The following PANX3 variants were observed in gnomAD, a reference collection of about 807,000 sequenced individuals.
The protein encoded by PANX3 is pannexin-3.
PANX3 carries 18 observed loss-of-function variants against 31.5 expected under a neutral mutation model. The observed-to-expected ratio is 0.57, with a 90% CI of 0.39 to 0.85. PANX3 has a LOEUF of 0.85. Ranked by LOEUF, PANX3 falls within the 40% of genes least tolerant of loss-of-function variation. The probability of loss-of-function intolerance (pLI) is 0.00; values close to 1 mark genes in which losing one functional copy is unlikely to be tolerated. For missense variants in PANX3, 426 were observed against 485.4 expected, an observed-to-expected ratio of 0.88 and a Z score of 1.15; for synonymous variants, 194 against 201.6, an observed-to-expected ratio of 0.96 and a Z score of 0.32.
rs1863165608 is a variant in PANX3 at position 124,617,379 on chromosome 11, A to G, written c.430A>G (p.Ile144Val). The change falls in exon 3 of 4, where the codon ATC (isoleucine) becomes GTC (valine). Residue 144 changes from isoleucine to valine, a missense_variant. By Grantham distance (29) the Ile-to-Val change is conservative. Transcript: ENST00000284288. The stretch of plus-strand genomic sequence containing the variant: ...CCTCAGCTCCGATCTGCTGTTCATC[A>G]TCAGCGAACTGGACAAATCTTATAA... ...PALSSDLLFI[I>V]SELDKSYNRS... is the part of the protein sequence containing the mutation. 3 of 1,613,994 alleles carry G rather than the reference A, an allele frequency of 1.9e-6. No homozygotes were observed. The East Asian group carries it at 6.7e-5, about 36-fold the overall frequency.
rs140680289 is a variant in PANX3 at position 124,619,649 on chromosome 11, A to G, written c.893A>G (p.Asp298Gly). Residue 298 changes from aspartate to glycine, a missense_variant, in exon 4 of 4, where the codon GAC becomes GGC. Physicochemically the swap from Asp to Gly is moderately conservative, Grantham distance 94. Coordinates refer to ENST00000284288, the MANE Select transcript of PANX3 (RefSeq NM_052959.3). ...IYNLTRLCRW[D>G]KRLLSVYEML... ...AACCTCACACGGCTATGTCGGTGGGACAAACGACTTTTATCTGTCTATGAG... is the reference window on the plus strand; with the variant it reads ...AACCTCACACGGCTATGTCGGTGGGGCAAACGACTTTTATCTGTCTATGAG... 128 of 1,614,194 alleles carry G rather than the reference A, an allele frequency of 7.9e-5. No individual in the cohort carries two copies. The East Asian group carries it at 2.3e-3, about 29-fold the overall frequency.
chr11:124,616,576 A>G lies in PANX3; in HGVS notation c.325-698A>G, dbSNP rs1189571812. Among the ~76,000 whole-genome samples the G allele has an allele frequency of 6.6e-6, 1 of 152,198 alleles. No homozygotes were observed. Among genetic ancestry groups the G allele is most frequent in the Non-Finnish European group, 1.5e-5 (1 of 68,040 alleles). On this transcript the variant is annotated intron_variant, in intron 2 of 3. Coordinates refer to ENST00000284288, the MANE Select transcript of PANX3 (RefSeq NM_052959.3). The surrounding 1 kb of genome is among the most constrained non-coding windows in gnomAD (Gnocchi z 4.8). ...ACAATTCAACCCATATCAGTCCCTT[A>G]TTGCAGATAGCTAATGATGCAGTCA...
At chr11:124,617,554 G>A in intron 3 of PANX3, 66 bp downstream of exon 3, 1 of 1,504,656 alleles carries the variant, frequency 6.6e-7, no homozygotes, top group South Asian at 1.1e-5. Flanking sequence ...ACTTTGCATA[G>A]TCATCTTTAA....
Position 124,616,098 on chromosome 11 carries a change from G to A in PANX3, c.325-1176G>A, listed in dbSNP as rs188592674. Among the ~76,000 whole-genome samples the A allele has an allele frequency of 3.9e-5, 6 of 152,310 alleles. 1 individual carries two copies. The highest frequency in any genetic ancestry group is 3.9e-4 in the Admixed American group (6 of 15,298). On this transcript the variant is annotated intron_variant, in intron 2 of 3. Coordinates refer to ENST00000284288, the MANE Select transcript of PANX3 (RefSeq NM_052959.3). The surrounding 1 kb of genome is among the most constrained non-coding windows in gnomAD (Gnocchi z 4.8). ...AATAGTTGGCCCAACCCTGCTAGGT[G>A]TGGTAAGTATGATGAGGAAACCTGA...
At chr11:124,617,525 G>A in intron 3 of PANX3, 37 bp downstream of exon 3, 1 of 1,594,790 alleles carries the variant, frequency 6.3e-7, no homozygotes, top group Non-Finnish European at 8.6e-7. Flanking sequence ...GAGAAATTCA[G>A]TCAAGCATTA....
At position 124,611,720 on chromosome 11, in the gene PANX3, C is replaced by T. The variant is rs749757572; in HGVS notation, c.164C>T (p.Ala55Val). ...SPLLLMSLAF[A>V]QEFSSGSPIS... ...TTGTTGCTGATGTCCCTGGCATTCG[C>T]CCAGGAGTTCTCCTCTGGTAAGTTG... The change falls in exon 1 of 4, where the codon GCC (alanine) becomes GTC (valine). Residue 55 changes from alanine to valine, a missense_variant. Coordinates refer to ENST00000284288, the MANE Select transcript of PANX3 (RefSeq NM_052959.3). 1 of 1,613,862 alleles carries T rather than the reference C, an allele frequency of 6.2e-7. No homozygotes were observed. The highest frequency in any genetic ancestry group is 1.1e-5 in the South Asian group (1 of 91,028).
In PANX3 at chr11:124,615,079, C is replaced by T. The variant is rs545484721; in HGVS notation, c.324+1957C>T. Among the ~76,000 whole-genome samples the T allele has an allele frequency of 2.6e-5, 4 of 151,956 alleles. No homozygotes were observed. In the South Asian group the frequency reaches 8.4e-4, roughly 32 times the overall value. ...GTTTAATTCAGAAAACACAAACACA[C>T]ACCTTTCTTTTCTTTTCTTTTTGAG... On this transcript the variant is annotated intron_variant, in intron 2 of 3. Coordinates refer to ENST00000284288, the MANE Select transcript of PANX3 (RefSeq NM_052959.3).
chr11:124,618,152 G>C (rs901491858), intron 3 of PANX3, among the ~76,000 whole-genome samples: 1 of 152,164 alleles, frequency 6.6e-6, no homozygotes, highest in South Asian at 2.1e-4. Flanking sequence ...TGGGAAGTGG[G>C]GCAAGAGGAA....
In PANX3 at chr11:124,616,050, A is replaced by G. The variant is rs1346028607; in HGVS notation, c.325-1224A>G. On this transcript the variant is annotated intron_variant, in intron 2 of 3. Transcript: ENST00000284288. This position sits in a 1 kb window ranked among gnomAD's most constrained non-coding sequence, Gnocchi z 4.8. ...AAATAAATAAATAAAAATCTTTACA[A>G]GTAGAGATTTTACTGTAGGCAAAAT... 2.6e-5 allele frequency among the ~76,000 whole-genome samples: 4 copies of G among 152,276 alleles called. No individual in the cohort carries two copies. Among genetic ancestry groups the G allele is most frequent in the African/African-American group, 7.2e-5 (3 of 41,568 alleles).
Position 124,619,807 on chromosome 11 carries a change from G to A in PANX3, c.1051G>A (p.Val351Met), listed in dbSNP as rs746615194. The change falls in exon 4 of 4, where the codon GTG (valine) becomes ATG (methionine). Residue 351 changes from valine to methionine, a missense_variant. Physicochemically the swap from Val to Met is conservative, Grantham distance 21. Coordinates refer to ENST00000284288, the MANE Select transcript of PANX3 (RefSeq NM_052959.3). ...TTTTAGCTGGCTGAGTGTCTTATGT[G>A]TGTTGAAGGATACAACCACCCAGAA... ...ISFSWLSVLC[V>M]LKDTTTQKHN... 2 of 1,613,956 alleles carry A rather than the reference G, an allele frequency of 1.2e-6. No homozygotes were observed. Among genetic ancestry groups the A allele is most frequent in the Non-Finnish European group, 1.7e-6 (2 of 1,180,014 alleles).
At position 124,619,627 on chromosome 11, in the gene PANX3, C is replaced by G; in HGVS notation, c.871C>G (p.Leu291Val). The change falls in exon 4 of 4, where the codon CTC becomes GTC. Residue 291 changes from leucine (L) to valine (V), a missense_variant. Transcript: ENST00000284288. ...ATTGGTTCCAGTGATAATATACAAC[C>G]TCACACGGCTATGTCGGTGGGACAA... ...TILVPVIIYN[L>V]TRLCRWDKRL... 3.7e-6 allele frequency: 6 copies of G among 1,614,186 alleles called. No individual in the cohort carries two copies. The highest frequency in any genetic ancestry group is 5.1e-6 in the Non-Finnish European group (6 of 1,180,044).
At chr11:124,615,485 A>G (rs1275839054) in intron 2 of PANX3, among the ~76,000 whole-genome samples, 2 of 152,198 alleles carry the variant, frequency 1.3e-5, no homozygotes, top group African/African-American at 2.4e-5. Flanking sequence ...AGGAGAAGCT[A>G]TAAGTGAAGT....
intron 3 of PANX3, 28 bp downstream of exon 3, chr11:124,617,516 A>T: frequency 6.2e-7 from 1 of 1,601,214 alleles, no homozygotes; most frequent in Non-Finnish European, 8.6e-7. Flanking sequence ...CCTTTTTCTG[A>T]GAAATTCAGT....
intron 1 of PANX3, 71 bp from the exon 2 acceptor site, chr11:124,612,909 A>G: frequency 6.4e-7 from 1 of 1,561,380 alleles, no homozygotes; most frequent in South Asian, 1.2e-5. Context: ...GGGAAGAGTT[A>G]GATGATTGCC....
At position 124,611,580 on chromosome 11, in the gene PANX3, A is replaced by C. The variant is rs1221097804; in HGVS notation, c.24A>C (p.Ala8=). 6.2e-7 allele frequency: 1 copy of C among 1,613,838 alleles called. No individual in the cohort carries two copies. The highest frequency in any genetic ancestry group is 1.7e-5 in the Admixed American group (1 of 59,990). Residue 8 remains alanine, a synonymous_variant, in exon 1 of 4, where the codon GCA becomes GCC. Coordinates refer to ENST00000284288, the MANE Select transcript of PANX3 (RefSeq NM_052959.3). MSLAHTA[A]EYMLSDALLP... ...TCATGTCACTTGCACACACAGCTGCAGAGTACATGCTCTCAGATGCCCTGC... is the reference window on the plus strand; with the variant it reads ...TCATGTCACTTGCACACACAGCTGCCGAGTACATGCTCTCAGATGCCCTGC...
Position 124,611,535 on chromosome 11 carries a change from C to A in PANX3, c.-22C>A. On this transcript the variant is annotated 5_prime_UTR_variant, in exon 1 of 4. Transcript: ENST00000284288. ...CCCAGGACCCCTGCTGCCACCTCTG[C>A]ACCCCCAAGCTCAGCAGCATCATGT... 6.3e-7 allele frequency: 1 copy of A among 1,581,960 alleles called. No individual in the cohort carries two copies. Among genetic ancestry groups the A allele is most frequent in the Non-Finnish European group, 8.6e-7 (1 of 1,159,358 alleles).
At position 124,619,281 on chromosome 11, in the gene PANX3, C is replaced by T; in HGVS notation, c.540-15C>T. Reference sequence around the variant, plus strand: ...TGGTCACTACTAACCTTGCCTCCTTCCTTCCACTGCCCAGGGCTCGGAAAG... The same window carrying T: ...TGGTCACTACTAACCTTGCCTCCTTTCTTCCACTGCCCAGGGCTCGGAAAG... On this transcript the variant is annotated splice_polypyrimidine_tract_variant and intron_variant, in intron 3 of 3. Transcript: ENST00000284288. 2.5e-6 allele frequency: 4 copies of T among 1,603,860 alleles called. No individual in the cohort carries two copies. Among genetic ancestry groups the T allele is most frequent in the Non-Finnish European group, 3.4e-6 (4 of 1,175,406 alleles).
In PANX3 at chr11:124,617,416, G is replaced by A. The variant is rs567393746; in HGVS notation, c.467G>A (p.Arg156His). Residue 156 changes from arginine to histidine, a missense_variant, in exon 3 of 4, where the codon CGC (arginine) becomes CAC (histidine). Arg to His is a conservative substitution (Grantham distance 29, BLOSUM62 0). Transcript: ENST00000284288. ...GACAAATCTTATAATCGCTCCATCC[G>A]CCTCGTGCAGCACATGCTGAAGATC... ...ELDKSYNRSIRLVQHMLKIRQ... is the reference protein window; with the variant it reads ...ELDKSYNRSIHLVQHMLKIRQ... 5.0e-5 allele frequency: 80 copies of A among 1,614,182 alleles called. No homozygotes were observed. Among genetic ancestry groups the A allele is most frequent in the East Asian group, 2.2e-4 (10 of 44,890 alleles).
rs1863150921 is a variant in PANX3 at position 124,616,112 on chromosome 11, G to A, written c.325-1162G>A. Among the ~76,000 whole-genome samples, 4 of 152,210 alleles carry A rather than the reference G, an allele frequency of 2.6e-5. No individual in the cohort carries two copies. The highest frequency in any genetic ancestry group is 2.0e-4 in the Admixed American group (3 of 15,272). ...CCCTGCTAGGTGTGGTAAGTATGAT[G>A]AGGAAACCTGAAGAAAAGTGCCTGT... On this transcript the variant is annotated intron_variant, in intron 2 of 3. Transcript: ENST00000284288. The surrounding 1 kb of genome is among the most constrained non-coding windows in gnomAD (Gnocchi z 4.8).
Sources: gnomAD v4.1 joint callset for allele counts (sites outside exome capture counted in the v4.1 genomes callset) on GRCh38, gnomAD v4.1.1 for gene constraint, Gnocchi (gnomAD v3.1) non-coding constraint, MANE v1.5 for transcripts, NCBI Gene and HGNC (gene_info 2026-07-23, HGNC 2026-07-21) for gene names.